The following CLGN variants were observed in gnomAD, a reference collection of about 807,000 sequenced individuals.
CLGN encodes the protein testis tissue sperm-binding protein Li 79P.
A neutral mutation model predicts 79.1 loss-of-function variants in CLGN; 62 were observed. The ratio of observed to expected loss-of-function variants is 0.78; its 90% CI spans 0.64 to 0.97. CLGN has a LOEUF of 0.97. Ranked by LOEUF, CLGN falls within the 50% of genes least tolerant of loss-of-function variation. The probability of loss-of-function intolerance (pLI) is 0.00; values close to 1 mark genes in which losing one functional copy is unlikely to be tolerated. For synonymous variants in CLGN, 225 were observed against 224.7 expected, an observed-to-expected ratio of 1.00 and a Z score of -0.01; for missense variants, 647 against 715.5, an observed-to-expected ratio of 0.90 and a Z score of 1.09.
intron 4 of CLGN, 63 bp from the exon 5 acceptor site, chr4:140,406,146 C>G: frequency 1.3e-6 from 2 of 1,506,374 alleles, no homozygotes; most frequent in Non-Finnish European, 1.8e-6. Context: ...AATTATTTAT[C>G]AGCAGTTGTG....
chr4:140,391,548 A>T (rs1439877985), intron 13 of CLGN, among the ~76,000 whole-genome samples: 1 of 151,888 alleles, frequency 6.6e-6, no homozygotes, highest in African/African-American at 2.4e-5. Context: ...ATAGACACAT[A>T]TGTGTTTTTA....
chr4:140,421,608 G>GA (rs1185317594), intron 1 of CLGN, among the ~76,000 whole-genome samples: 2 of 152,046 alleles, frequency 1.3e-5, no homozygotes, highest in Non-Finnish European at 1.5e-5. Flanking sequence ...ATCTTCAAGG[G>GA]AAACATGTCT....
At chr4:140,415,223 C>G (rs1729303624) in intron 1 of CLGN, among the ~76,000 whole-genome samples, 1 of 152,188 alleles carries the variant, frequency 6.6e-6, no homozygotes, top group African/African-American at 2.4e-5. Context: ...AAAGGAACAA[C>G]AGGTACCAGC....
chr4:140,405,945 A>T lies in CLGN; in HGVS notation c.416T>A (p.Val139Asp), dbSNP rs781379398. 6.2e-7 allele frequency: 1 copy of T among 1,606,646 alleles called. No individual in the cohort carries two copies. The highest frequency in any genetic ancestry group is 1.7e-5 in the Admixed American group (1 of 58,246). ...TCAAAAACATAGCAACACTTACTGAACTATCAAGGGTTTATCAGCAAAAAT... is the reference window on the plus strand; with the variant it reads ...TCAAAAACATAGCAACACTTACTGATCTATCAAGGGTTTATCAGCAAAAAT... Reference protein sequence around the residue: ...PFIFADKPLIVQYEVNFQDGI... With the variant: ...PFIFADKPLIDQYEVNFQDGI... Residue 139 changes from valine (V) to aspartate (D), a missense_variant, in exon 5 of 15, where the codon GTT becomes GAT. By Grantham distance (152) the Val-to-Asp change is radical (BLOSUM62 -3). Transcript: ENST00000325617.
intron 1 of CLGN, among the ~76,000 whole-genome samples, chr4:140,413,637 C>A (rs576719792): frequency 2.6e-5 from 4 of 152,216 alleles, no homozygotes; most frequent in African/African-American, 9.6e-5. Flanking sequence ...CGGAATACTG[C>A]GCTTTTCCAA....
chr4:140,415,358 T>G (rs1302616095), intron 1 of CLGN, among the ~76,000 whole-genome samples: 7 of 149,990 alleles, frequency 4.7e-5, no homozygotes, highest in African/African-American at 7.3e-5. Flanking sequence ...CAATATTAAC[T>G]TTAAATGTAA....
At chr4:140,406,159 C>T in intron 4 of CLGN, 76 bp from the exon 5 acceptor site, 1 of 1,416,958 alleles carries the variant, frequency 7.1e-7, no homozygotes, top group Non-Finnish European at 9.6e-7. Flanking sequence ...CAGTTGTGAA[C>T]AATAATTTTT....
At chr4:140,421,776 C>T (rs2126635163) in intron 1 of CLGN, among the ~76,000 whole-genome samples, 1 of 152,122 alleles carries the variant, frequency 6.6e-6, no homozygotes, top group Non-Finnish European at 1.5e-5. Context: ...TTCTTTGATG[C>T]ACAGAACTTT....
rs147415229 is a variant in CLGN at position 140,402,046 on chromosome 4, T to A, written c.440A>T (p.Asp147Val). 2.3e-4 allele frequency: 355 copies of A among 1,575,156 alleles called. No individual in the cohort carries two copies. In the African/African-American group the frequency reaches 4.4e-3, roughly 19 times the overall value. ...LIVQYEVNFQ[D>V]GIDCGGAYIK... is the part of the protein sequence containing the mutation. ...GTATGCACCTCCACAATCAATACCATCTTGAAAATTTACTTCATATCTGAA... is the reference window on the plus strand; with the variant it reads ...GTATGCACCTCCACAATCAATACCAACTTGAAAATTTACTTCATATCTGAA... The change falls in exon 6 of 15, where the codon GAT becomes GTT. Residue 147 changes from aspartate (D) to valine (V), a missense_variant. Asp to Val is a radical substitution (Grantham distance 152). Coordinates refer to ENST00000325617, the MANE Select transcript of CLGN (RefSeq NM_004362.3).
chr4:140,416,284 T>G (rs1729329263), intron 1 of CLGN, among the ~76,000 whole-genome samples: 1 of 72,658 alleles, frequency 1.4e-5, no homozygotes, highest in Non-Finnish European at 2.7e-5. Context: ...ACATCACAAT[T>G]AAAAGAACTA....
In CLGN at chr4:140,409,900, A is replaced by G; in HGVS notation, c.219-5T>C. ...TTTGCTTTTGATAAGACCCATCTGT[A>G]AATAAAGTTGAACATACATATATGT... On this transcript the variant is annotated splice_region_variant and splice_polypyrimidine_tract_variant and intron_variant, in intron 3 of 14. Coordinates refer to ENST00000325617, the MANE Select transcript of CLGN (RefSeq NM_004362.3). The G allele has an allele frequency of 1.3e-6, 2 of 1,592,678 alleles. No homozygotes were observed. The highest frequency in any genetic ancestry group is 1.7e-4 in the Middle Eastern group (1 of 5,980).
intron 6 of CLGN, among the ~76,000 whole-genome samples, chr4:140,401,674 T>C (rs1295797036): frequency 6.6e-6 from 1 of 152,168 alleles, no homozygotes; most frequent in Admixed American, 6.5e-5. Flanking sequence ...AACTTAAGAG[T>C]CTTATTCTGT....
intron 3 of CLGN, 117 bp downstream of exon 3, chr4:140,410,435 TA>T: frequency 1.5e-6 from 1 of 681,692 alleles, no homozygotes; most frequent in South Asian, 1.7e-5. Flanking sequence ...CATTGTCAAT[TA>T]AACTACTTTA....
intron 1 of CLGN, among the ~76,000 whole-genome samples, chr4:140,417,949 C>G (rs1268595100): frequency 6.6e-6 from 1 of 152,154 alleles, no homozygotes; most frequent in Non-Finnish European, 1.5e-5. Flanking sequence ...TGACTTCAAA[C>G]TATACTACAA....
chr4:140,408,668 A>G (rs76735581), intron 4 of CLGN, among the ~76,000 whole-genome samples: 1 of 151,978 alleles, frequency 6.6e-6, no homozygotes, highest in African/African-American at 2.4e-5. Flanking sequence ...TAAAAAGTCA[A>G]AAAACAATTG....
chr4:140,409,410 A>G (rs1268910239), intron 4 of CLGN, among the ~76,000 whole-genome samples: 3 of 152,088 alleles, frequency 2.0e-5, no homozygotes, highest in African/African-American at 4.8e-5. Flanking sequence ...TGAGGATTCC[A>G]GAAGCAGCCA....
At chr4:140,400,333 C>T in intron 7 of CLGN, 24 bp downstream of exon 7, 3 of 1,516,910 alleles carry the variant, frequency 2.0e-6, no homozygotes, top group Non-Finnish European at 2.7e-6. Context: ...TTTTTGAATA[C>T]ATGAATGAAT....
In CLGN at chr4:140,389,145, G is replaced by T; in HGVS notation, c.*79C>A. On this transcript the variant is annotated 3_prime_UTR_variant, in exon 15 of 15. Coordinates refer to ENST00000325617, the MANE Select transcript of CLGN (RefSeq NM_004362.3). ...ATATTAGAAACAGGATGTGCAGACT[G>T]ATTAAAGTTCAGGTCTGGCATGCTG... is the stretch of plus-strand genomic sequence containing the variant. 1 of 1,043,940 alleles carries T rather than the reference G, an allele frequency of 9.6e-7. No individual in the cohort carries two copies. The highest frequency in any genetic ancestry group is 1.3e-5 in the South Asian group (1 of 78,542). 64.7% of individuals were successfully genotyped at this position (1,043,940 alleles called of 1,614,324 possible). A position where few individuals can be genotyped will look rare whatever the true frequency, so the allele number is the denominator to read the frequency against.
intron 1 of CLGN, among the ~76,000 whole-genome samples, chr4:140,420,049 G>T (rs1729433954): frequency 6.6e-6 from 1 of 151,914 alleles, no homozygotes; most frequent in African/African-American, 2.4e-5. Context: ...TACTAATAAT[G>T]AACATTAATA....
Sources: allele counts gnomAD v4.1 joint callset (sites outside exome capture counted in the v4.1 genomes callset), GRCh38; gene constraint gnomAD v4.1.1; transcripts MANE v1.5; gene names NCBI Gene and HGNC (gene_info 2026-07-23, HGNC 2026-07-21).